The following LDB2 variants were observed in gnomAD, a reference collection of about 807,000 sequenced individuals.
LDB2 encodes LIM domain-binding protein 2.
A neutral mutation model predicts 44.3 loss-of-function variants in LDB2; 12 were observed. That is an observed-to-expected ratio of 0.27 (90% CI 0.17 to 0.44). LDB2 has a LOEUF of 0.44. Ranked by LOEUF, LDB2 falls within the 20% of genes least tolerant of loss-of-function variation. LDB2 has a pLI of 1.00. For synonymous variants in LDB2, 164 were observed against 174.8 expected (o/e 0.94, Z 0.49); for missense variants, 344 against 473.5 (o/e 0.73, Z 2.54).
chr4:16,884,216 T>C (rs967645144), intron 1 of LDB2, among the ~76,000 whole-genome samples: 1 of 152,198 alleles, frequency 6.6e-6, no homozygotes, highest in African/African-American at 2.4e-5. Context: ...GAATCCGTAC[T>C]ATGTACCAGG....
intron 2 of LDB2, among the ~76,000 whole-genome samples, chr4:16,675,811 T>A (rs1746142408): frequency 6.6e-6 from 1 of 152,204 alleles, no homozygotes; most frequent in South Asian, 2.1e-4. Context: ...AACAATTCAA[T>A]TCAATGTGTT....
intron 5 of LDB2, among the ~76,000 whole-genome samples, chr4:16,557,208 T>C (rs886570965): frequency 6.6e-6 from 1 of 151,982 alleles, no homozygotes; most frequent in Non-Finnish European, 1.5e-5. Flanking sequence ...CACTAGGGAG[T>C]GCTGGACAGT....
intron 1 of LDB2, among the ~76,000 whole-genome samples, chr4:16,767,063 T>C (rs1286584065): frequency 3.3e-5 from 5 of 152,136 alleles, no homozygotes; most frequent in Non-Finnish European, 5.9e-5. Flanking sequence ...TTTTGGTCCT[T>C]TCATTAGGAG....
intron 2 of LDB2, among the ~76,000 whole-genome samples, chr4:16,605,878 G>C (rs10005013): frequency 0.019 from 2,828 of 152,246 alleles, 85 homozygotes; most frequent in African/African-American, 0.063. Flanking sequence ...ACCAGGAGGG[G>C]GAACTGCCAC....
intron 2 of LDB2, among the ~76,000 whole-genome samples, chr4:16,711,778 C>A (rs561968743): frequency 4.9e-4 from 74 of 152,300 alleles, no homozygotes; most frequent in African/African-American, 1.7e-3. Flanking sequence ...AGTACAGAAA[C>A]AAACCCTTTC....
intron 2 of LDB2, among the ~76,000 whole-genome samples, chr4:16,727,041 A>G (rs2152691220): frequency 6.6e-6 from 1 of 152,334 alleles, no homozygotes. Flanking sequence ...ATGGTAAGTT[A>G]GTTCCTAAAT....
chr4:16,851,415 A>C (rs1236821119), intron 1 of LDB2, among the ~76,000 whole-genome samples: 1 of 152,022 alleles, frequency 6.6e-6, no homozygotes, highest in Non-Finnish European at 1.5e-5. Flanking sequence ...TGGCAATCAC[A>C]ATAGAAAGTC....
At chr4:16,511,541 C>T (rs1480612513) in intron 6 of LDB2, among the ~76,000 whole-genome samples, 2 of 151,796 alleles carry the variant, frequency 1.3e-5, no homozygotes, top group East Asian at 3.9e-4. Flanking sequence ...CTTCTTTTTT[C>T]TCCTTTCCTT....
intron 5 of LDB2, among the ~76,000 whole-genome samples, chr4:16,565,403 G>A (rs139390782): frequency 4.7e-4 from 71 of 152,020 alleles, no homozygotes; most frequent in African/African-American, 1.7e-3. Flanking sequence ...CGTCTCCTTG[G>A]ACATCAGAGA....
At chr4:16,638,866 C>CAG (rs3076986) in intron 2 of LDB2, among the ~76,000 whole-genome samples, 123,132 of 151,896 alleles carry the variant, frequency 0.81, 49,961 homozygotes, top group Middle Eastern at 0.92. Context: ...GAAACCAACA[C>CAG]GGGTTTTGTG....
Position 16,827,667 on chromosome 4 carries a change from C to T in LDB2, c.133-68407G>A, listed in dbSNP as rs111558661. 2.8e-4 allele frequency among the ~76,000 whole-genome samples: 42 copies of T among 152,260 alleles called. 1 individual carries two copies. Among genetic ancestry groups the T allele is most frequent in the African/African-American group, 9.4e-4 (39 of 41,544 alleles). On this transcript the variant is annotated intron_variant, in intron 1 of 7. Transcript: ENST00000304523. Reference sequence around the variant, plus strand: ...GATCAAGAAAATTCTCTTGTCTACACGCAGTTCAATATTCACATTTTGCCA... The same window carrying T: ...GATCAAGAAAATTCTCTTGTCTACATGCAGTTCAATATTCACATTTTGCCA...
intron 5 of LDB2, among the ~76,000 whole-genome samples, chr4:16,530,371 G>C (rs1729731053): frequency 6.6e-6 from 1 of 152,088 alleles, no homozygotes; most frequent in African/African-American, 2.4e-5. Context: ...TTCCTTGCTA[G>C]CTCTTGGAAA....
intron 1 of LDB2, among the ~76,000 whole-genome samples, chr4:16,784,229 C>G (rs1773910861): frequency 6.6e-6 from 1 of 152,128 alleles, no homozygotes; most frequent in South Asian, 2.1e-4. Context: ...ACTGACTTGT[C>G]CAAGGACATC....
chr4:16,876,594 T>A (rs905802398), intron 1 of LDB2, among the ~76,000 whole-genome samples: 3 of 152,096 alleles, frequency 2.0e-5, no homozygotes, highest in Admixed American at 1.3e-4. Flanking sequence ...TTACTGATTT[T>A]AATTCTGTGA....
At chr4:16,608,389 C>T (rs1246264425) in intron 2 of LDB2, among the ~76,000 whole-genome samples, 1 of 152,122 alleles carries the variant, frequency 6.6e-6, no homozygotes, top group East Asian at 1.9e-4. Flanking sequence ...AAGGAACAAC[C>T]GTTCCAACAG....
intron 5 of LDB2, among the ~76,000 whole-genome samples, chr4:16,512,757 G>T (rs1049883297): frequency 6.6e-6 from 1 of 152,112 alleles, no homozygotes; most frequent in Non-Finnish European, 1.5e-5. Flanking sequence ...AATGTGGGAG[G>T]TTTTTTTGTG....
chr4:16,876,906 CTT>C (rs796579484), intron 1 of LDB2, among the ~76,000 whole-genome samples: 2 of 130,536 alleles, frequency 1.5e-5, no homozygotes, highest in African/African-American at 5.4e-5. Flanking sequence ...TTGTATAGTG[CTT>C]TTTTTTTTTT....
rs370181875 is a variant in LDB2 at position 16,784,446 on chromosome 4, A to G, written c.133-25186T>C. 7.9e-4 allele frequency among the ~76,000 whole-genome samples: 120 copies of G among 152,290 alleles called. 2 individuals are homozygous for G. The South Asian group carries it at 9.7e-3, about 12-fold the overall frequency. ...TCCTTAGCAGGCAATAGGAAACACC[A>G]TCTCTTCCCAGGGGCTCAGAGGCTG... On this transcript the variant is annotated intron_variant, in intron 1 of 7. Coordinates refer to ENST00000304523, the MANE Select transcript of LDB2 (RefSeq NM_001290.5).
rs200154572 is a variant in LDB2, at chr4:16,869,310, A to AG, written c.132+29043_132+29044insC. 5.9e-3 allele frequency among the ~76,000 whole-genome samples: 901 copies of AG among 151,996 alleles called. 77 individuals carry two copies. In the South Asian group the frequency reaches 0.15, roughly 25 times the overall value. ...GTACACAAATGCAAAAGTCATAAAA[A>AG]AAAAAAAAACTCAGAAATGCTCGAA... is the stretch of plus-strand genomic sequence containing the variant. On this transcript the variant is annotated intron_variant, in intron 1 of 7. Transcript: ENST00000304523.
Sources: gnomAD v4.1 joint callset for allele counts (sites outside exome capture counted in the v4.1 genomes callset) on GRCh38, gnomAD v4.1.1 for gene constraint, MANE v1.5 for transcripts, NCBI Gene and HGNC (gene_info 2026-07-23, HGNC 2026-07-21) for gene names.